Variants in SGO1 observed in about 807,000 individuals in gnomAD.
SGO1 encodes shugoshin 1.
Under a neutral mutation model 50.5 loss-of-function variants are expected in SGO1, and 39 were observed. The observed-to-expected ratio is 0.77, with a 90% CI of 0.60 to 1.01. The LOEUF is 1.01. Among genes scored for constraint, SGO1 ranks in the 50% least tolerant of loss-of-function variants. SGO1 has a pLI of 0.00. For synonymous variants in SGO1, 191 were observed against 205.1 expected, an observed-to-expected ratio of 0.93 and a Z score of 0.59; for missense variants, 638 against 606.0, an observed-to-expected ratio of 1.05 and a Z score of -0.55.
At chr3:20,162,527 T>C (rs773474691) in intron 8 of SGO1, among the ~76,000 whole-genome samples, 41 of 152,102 alleles carry the variant, frequency 2.7e-4, no homozygotes, top group Admixed American at 2.0e-4. Context: ...CAAGAAGATA[T>C]AGCTTATACA....
rs17627906 is a variant in SGO1, at chr3:20,169,528, A to G, written c.*1176T>C. On this transcript the variant is annotated 3_prime_UTR_variant, in exon 8 of 8. Coordinates refer to ENST00000412997, the MANE Select transcript of SGO1 (RefSeq NM_001199251.3). ...TGCTCTTTAAAAATGAATAACCTAC[A>G]AAGTTCTAAAATTTAAAGAGGTATA... 0.16 allele frequency: 159,139 copies of G among 981,348 alleles called. 13,671 individuals are homozygous for G. Among genetic ancestry groups the G allele is most frequent in the Admixed American group, 0.18 (2,857 of 16,288 alleles). 60.8% of individuals were successfully genotyped at this position (981,348 alleles called of 1,614,324 possible). A position where few individuals can be genotyped will look rare whatever the true frequency, so the allele number is the denominator to read the frequency against.
chr3:20,176,066 G>A (rs1414540067), intron 5 of SGO1, among the ~76,000 whole-genome samples: 1 of 152,146 alleles, frequency 6.6e-6, no homozygotes, highest in African/African-American at 2.4e-5. Context: ...TTCCTTCGAC[G>A]TCTGGTTTTG....
chr3:20,161,039 A>T (rs1387742540), exon 9 of SGO1: 4 of 1,603,184 alleles, frequency 2.5e-6, no homozygotes. Context: ...AATCTATTAA[A>T]GGTCTGCATA....
chr3:20,178,178 G>A (rs1231025672), intron 4 of SGO1, 93 bp downstream of exon 4: 1 of 866,732 alleles, frequency 1.2e-6, no homozygotes. Context: ...ACAAATATAA[G>A]AGTTGACATG....
At position 20,181,921 on chromosome 3, in the gene SGO1, A is replaced by G. The variant is rs373529041; in HGVS notation, c.339+1687T>C. ...AACATGGCGAAACCCTGTCTCTACT[A>G]AAAATATAAAAATTAGCCAGGTGTG... is the stretch of plus-strand genomic sequence containing the variant. On this transcript the variant is annotated intron_variant, in intron 3 of 7. Coordinates refer to ENST00000412997, the MANE Select transcript of SGO1 (RefSeq NM_001199251.3). Among the ~76,000 whole-genome samples the G allele has an allele frequency of 8.2e-4, 125 of 152,088 alleles. 1 individual carries two copies. The East Asian group carries it at 0.022, about 26-fold the overall frequency.
At chr3:20,169,077 G>A (rs771794202), downstream of SGO1, 251 of 985,212 alleles carry the variant, frequency 2.5e-4, no homozygotes, top group Middle Eastern at 5.2e-4. Context: ...GAAGACTAGG[G>A]TGTATGAATC....
At position 20,170,998 on chromosome 3, in the gene SGO1, C is replaced by T. The variant is rs768540111; in HGVS notation, c.1472+45G>A. ...CAAAGCTCCATAACCTTATTCCCCC[C>T]GACATGTATCATTAAAAATAAGTTC... On this transcript the variant is annotated intron_variant, in intron 7 of 7. Coordinates refer to ENST00000412997, the MANE Select transcript of SGO1 (RefSeq NM_001199251.3). 76 of 1,525,578 alleles carry T rather than the reference C, an allele frequency of 5.0e-5. No individual in the cohort carries two copies. Among genetic ancestry groups the T allele is most frequent in the African/African-American group, 9.9e-5 (7 of 70,708 alleles). 94.5% of individuals were successfully genotyped at this position (1,525,578 alleles called of 1,614,324 possible).
At chr3:20,175,795 C>CAA (rs56284216) in intron 5 of SGO1, among the ~76,000 whole-genome samples, 27,423 of 136,452 alleles carry the variant, frequency 0.2, 2,510 homozygotes, top group Admixed American at 0.23. Flanking sequence ...GCAAGACTGT[C>CAA]AAAAAAAAAA....
Position 20,171,210 on chromosome 3 carries a change from C to T in SGO1, c.1305G>A (p.Gln435=), listed in dbSNP as rs368034531. 2.5e-6 allele frequency: 4 copies of T among 1,593,872 alleles called. No homozygotes were observed. In the African/African-American group the frequency reaches 5.5e-5, roughly 22 times the overall value. ...TATCCTTCAGGCTAAGATGAGGTGA[C>T]TGCTGAGTTTCAGGTGGTGTAGCTA... ...TPTTTPPETQ[Q]SPHLSLKDIT... is the part of the protein sequence containing the mutation. Residue 435 remains glutamine (Q), a synonymous_variant, in exon 7 of 8, where the codon CAG becomes CAA. Transcript: ENST00000412997.
intron 2 of SGO1, 32 bp downstream of exon 2, chr3:20,183,854 T>A: frequency 6.2e-7 from 1 of 1,606,734 alleles, no homozygotes; most frequent in Non-Finnish European, 8.5e-7. Context: ...AACTTAAAAG[T>A]GATATAAAAG....
At chr3:20,182,566 G>GT (rs1254407993) in intron 3 of SGO1, among the ~76,000 whole-genome samples, 1 of 151,844 alleles carries the variant, frequency 6.6e-6, no homozygotes, top group Non-Finnish European at 1.5e-5. Flanking sequence ...TACTTTTTTC[G>GT]TAAGTAATGA....
At chr3:20,165,563 C>G (rs1275603458), downstream of SGO1, among the ~76,000 whole-genome samples, 1 of 152,064 alleles carries the variant, frequency 6.6e-6, no homozygotes, top group African/African-American at 2.4e-5. Flanking sequence ...AAAACTAGTA[C>G]AAAATTTCCC....
rs377735470 is a variant in SGO1, at chr3:20,174,747, G to C, written c.784C>G (p.Pro262Ala). The change falls in exon 6 of 8, where the codon CCA (proline) becomes GCA (alanine). Residue 262 changes from proline to alanine, a missense_variant. By Grantham distance (27) the Pro-to-Ala change is conservative. Coordinates refer to ENST00000412997, the MANE Select transcript of SGO1 (RefSeq NM_001199251.3). ...QVNLSPKLIQ[P>A]GTFTKTKEDI... ...TCTTTTGTTTTAGTAAACGTTCCTG[G>C]CTGAATCAGCTTTGGTGATAAGTTA... 63 of 1,613,636 alleles carry C rather than the reference G, an allele frequency of 3.9e-5. No homozygotes were observed. Among genetic ancestry groups the C allele is most frequent in the Non-Finnish European group, 5.1e-5 (60 of 1,179,982 alleles).
downstream of SGO1, among the ~76,000 whole-genome samples, chr3:20,164,814 G>T (rs1217876158): frequency 6.6e-6 from 1 of 151,404 alleles, no homozygotes; most frequent in East Asian, 1.9e-4. Flanking sequence ...AATAAGTCAA[G>T]AATATGAAAT....
chr3:20,181,652 TTC>T (rs1377311860), intron 3 of SGO1, among the ~76,000 whole-genome samples: 39 of 152,338 alleles, frequency 2.6e-4, no homozygotes, highest in African/African-American at 8.7e-4. Context: ...TTCCTACTAT[TTC>T]TGTTTTTCAG....
At chr3:20,177,244 G>T (rs1475390169) in intron 4 of SGO1, 1 of 152,156 alleles carries the variant, frequency 6.6e-6, no homozygotes, top group Non-Finnish European at 1.5e-5. Context: ...ACATTAAACA[G>T]ATTTAGGTAA....
At chr3:20,185,392 C>T (rs890946113) in intron 1 of SGO1, among the ~76,000 whole-genome samples, 4 of 152,122 alleles carry the variant, frequency 2.6e-5, no homozygotes, top group African/African-American at 9.7e-5. Context: ...TATATCCTGT[C>T]TAAATAAGGC....
intron 6 of SGO1, among the ~76,000 whole-genome samples, chr3:20,173,845 C>T (rs1409228942): frequency 6.6e-6 from 1 of 152,102 alleles, no homozygotes; most frequent in Non-Finnish European, 1.5e-5. Context: ...AATCACGGTT[C>T]CTGTCAAATT....
downstream of SGO1, among the ~76,000 whole-genome samples, chr3:20,168,521 A>G (rs1700426019): frequency 6.6e-6 from 1 of 151,550 alleles, no homozygotes; most frequent in South Asian, 2.1e-4. Context: ...TTTGGCCCAT[A>G]GTCCAACTGT....
Sources: allele counts gnomAD v4.1 joint callset (sites outside exome capture counted in the v4.1 genomes callset), GRCh38; gene constraint gnomAD v4.1.1; transcripts MANE v1.5; gene names NCBI Gene and HGNC (gene_info 2026-07-23, HGNC 2026-07-21).